Variants in TMCO4 observed in about 807,000 individuals in gnomAD.
TMCO4 encodes transmembrane and coiled-coil domain-containing protein 4.
Under a neutral mutation model 64.7 loss-of-function variants are expected in TMCO4, and 58 were observed. The ratio of observed to expected loss-of-function variants is 0.90; its 90% CI spans 0.73 to 1.12. TMCO4 has a LOEUF of 1.12. Among genes scored for constraint, TMCO4 ranks in the 50% most tolerant of loss-of-function variants. The probability of loss-of-function intolerance (pLI) is 0.00; values close to 1 mark genes in which losing one functional copy is unlikely to be tolerated. For missense variants in TMCO4, 780 were observed against 825.9 expected (o/e 0.94, Z 0.68); for synonymous variants, 325 against 346.1 (o/e 0.94, Z 0.68).
At chr1:19,773,051 G>A (rs1040608233) in intron 4 of TMCO4, among the ~76,000 whole-genome samples, 5 of 152,246 alleles carry the variant, frequency 3.3e-5, no homozygotes, top group South Asian at 2.1e-4. Context: ...TTAGCTGGGC[G>A]TGGTGGCATG....
intron 13 of TMCO4, among the ~76,000 whole-genome samples, chr1:19,722,144 G>A (rs920870096): frequency 2.6e-5 from 4 of 152,190 alleles, no homozygotes; most frequent in African/African-American, 7.2e-5. Context: ...TGATGTCAAG[G>A]GGATCCTGTA....
chr1:19,719,743 C>G (rs1036096686), intron 13 of TMCO4, among the ~76,000 whole-genome samples: 16 of 152,086 alleles, frequency 1.1e-4, no homozygotes, highest in Admixed American at 5.2e-4. Context: ...CCTGTAATCC[C>G]AGCATTTTGG....
At chr1:19,778,640 G>A (rs2043319192) in intron 4 of TMCO4, among the ~76,000 whole-genome samples, 1 of 152,198 alleles carries the variant, frequency 6.6e-6, no homozygotes, top group African/African-American at 2.4e-5. Flanking sequence ...TAAATAAACT[G>A]AGGCTTAGGG....
At chr1:19,768,812 G>A (rs1031247118) in intron 6 of TMCO4, among the ~76,000 whole-genome samples, 5 of 149,814 alleles carry the variant, frequency 3.3e-5, no homozygotes, top group South Asian at 2.1e-4. Context: ...CCCAATCAGC[G>A]GGTCTGGGCG....
chr1:19,762,857 A>G (rs897384897), intron 6 of TMCO4, among the ~76,000 whole-genome samples: 1 of 152,002 alleles, frequency 6.6e-6, no homozygotes, highest in African/African-American at 2.4e-5. Flanking sequence ...GAGAGCCCAC[A>G]CCTTTGGGAA....
At position 19,764,739 on chromosome 1, in the gene TMCO4, C is replaced by T. The variant is rs149886699; in HGVS notation, c.382+5803G>A. 3.6e-4 allele frequency among the ~76,000 whole-genome samples: 54 copies of T among 151,158 alleles called. 1 individual carries two copies. The East Asian group carries it at 8.0e-3, about 22-fold the overall frequency. The stretch of plus-strand genomic sequence containing the variant: ...GCGTGGTGGCACATGCCTGTAATCC[C>T]GGCTAGTCGGGAGGCTGAGGCAGGA... On this transcript the variant is annotated intron_variant, in intron 6 of 15. Transcript: ENST00000294543.
At chr1:19,699,514 T>TA (rs1557469801) in intron 14 of TMCO4, among the ~76,000 whole-genome samples, 9 of 146,106 alleles carry the variant, frequency 6.2e-5, no homozygotes, top group South Asian at 2.2e-4. Context: ...TATATATATA[T>TA]TGAGATGGAG....
intron 15 of TMCO4, among the ~76,000 whole-genome samples, chr1:19,690,469 G>T (rs1207004781): frequency 6.6e-6 from 1 of 152,242 alleles, no homozygotes; most frequent in Admixed American, 6.5e-5. Flanking sequence ...CAACACGCCT[G>T]GTCTGGCCAC....
intron 10 of TMCO4, among the ~76,000 whole-genome samples, chr1:19,741,472 G>A (rs1393347336): frequency 1.3e-5 from 2 of 152,142 alleles, no homozygotes; most frequent in African/African-American, 4.8e-5. Flanking sequence ...GCCCGGCTCT[G>A]TTATGATCTT....
At chr1:19,725,454 T>C (rs2095404587) in intron 13 of TMCO4, among the ~76,000 whole-genome samples, 1 of 152,244 alleles carries the variant, frequency 6.6e-6, no homozygotes, top group Non-Finnish European at 1.5e-5. Context: ...GCTTTCCAAC[T>C]ACTTAATTTT....
At chr1:19,715,635 G>A (rs929449600) in intron 13 of TMCO4, among the ~76,000 whole-genome samples, 2 of 152,220 alleles carry the variant, frequency 1.3e-5, no homozygotes, top group Non-Finnish European at 2.9e-5. Context: ...TTCTGCACGA[G>A]CCCTCAAGGA....
At chr1:19,780,994 A>G (rs956449774) in intron 3 of TMCO4, among the ~76,000 whole-genome samples, 2 of 152,120 alleles carry the variant, frequency 1.3e-5, no homozygotes, top group Non-Finnish European at 2.9e-5. Context: ...TATCCAAACA[A>G]CTAACTCCAG....
intron 10 of TMCO4, among the ~76,000 whole-genome samples, chr1:19,744,173 C>T (rs191039900): frequency 6.6e-6 from 1 of 151,908 alleles, no homozygotes; most frequent in East Asian, 2.0e-4. Flanking sequence ...AGGATTCCCG[C>T]ACCCACCCTG....
At chr1:19,776,779 G>A (rs1270192852) in intron 4 of TMCO4, among the ~76,000 whole-genome samples, 1 of 152,114 alleles carries the variant, frequency 6.6e-6, no homozygotes, top group Non-Finnish European at 1.5e-5. Flanking sequence ...TGTAATCCCA[G>A]CACTTTGGAG....
At chr1:19,762,512 T>C (rs1048702978) in intron 6 of TMCO4, among the ~76,000 whole-genome samples, 2 of 152,222 alleles carry the variant, frequency 1.3e-5, no homozygotes, top group African/African-American at 2.4e-5. Flanking sequence ...GCAAGGGGCA[T>C]GTCCAGAGCC....
intron 13 of TMCO4, among the ~76,000 whole-genome samples, chr1:19,725,588 T>C (rs1278217458): frequency 6.6e-6 from 1 of 152,178 alleles, no homozygotes; most frequent in African/African-American, 2.4e-5. Context: ...CTCCCTGCCC[T>C]TGGCACGCAC....
Position 19,794,601 on chromosome 1 carries a change from C to G in TMCO4, c.-101+3536G>C, listed in dbSNP as rs550436988. The stretch of plus-strand genomic sequence containing the variant: ...ACACAGGGGGGACCCCTCAATACCC[C>G]ACCTTCAAATTATAACAGCACATGT... On this transcript the variant is annotated intron_variant, in intron 2 of 15. Coordinates refer to ENST00000294543, the MANE Select transcript of TMCO4 (RefSeq NM_181719.7). Among the ~76,000 whole-genome samples, 3 of 152,320 alleles carry G rather than the reference C, an allele frequency of 2.0e-5. No individual in the cohort carries two copies. In the East Asian group the frequency reaches 5.8e-4, roughly 29 times the overall value.
Position 19,683,255 on chromosome 1 carries a change from C to A in TMCO4, c.1690G>T (p.Gly564Cys). 1 of 1,614,186 alleles carries A rather than the reference C, an allele frequency of 6.2e-7. No homozygotes were observed. The highest frequency in any genetic ancestry group is 8.5e-7 in the Non-Finnish European group (1 of 1,180,008). The part of the protein sequence containing the change: ...ETPHQVGQTQ[G>C]PISGDTSKLA... ...TTGGAGGTGTCTCCGGATATGGGACCCTGGGTTTGCCCAACCTGGTGGGGG... is the reference window on the plus strand; with the variant it reads ...TTGGAGGTGTCTCCGGATATGGGACACTGGGTTTGCCCAACCTGGTGGGGG... Residue 564 changes from glycine to cysteine, a missense_variant, in exon 16 of 16, where the codon GGT (glycine) becomes TGT (cysteine). Physicochemically the swap from Gly to Cys is radical, Grantham distance 159 (BLOSUM62 -3). Coordinates refer to ENST00000294543, the MANE Select transcript of TMCO4 (RefSeq NM_181719.7).
intron 10 of TMCO4, among the ~76,000 whole-genome samples, chr1:19,741,177 G>A (rs954193886): frequency 6.6e-6 from 1 of 152,186 alleles, no homozygotes; most frequent in Non-Finnish European, 1.5e-5. Context: ...AGGTGACCCT[G>A]GGCACATCAC....
Sources: allele counts gnomAD v4.1 joint callset (sites outside exome capture counted in the v4.1 genomes callset), GRCh38; gene constraint gnomAD v4.1.1; transcripts MANE v1.5; gene names NCBI Gene and HGNC (gene_info 2026-07-23, HGNC 2026-07-21).